MAGEA4: variants seen among roughly 807,000 people sequenced by gnomAD.
MAGEA4 encodes the protein melanoma-associated antigen 4.
MAGEA4 carries 1 observed loss-of-function variant against 13.7 expected under a neutral mutation model. The observed-to-expected ratio is 0.07, with a 90% CI of 0.03 to 0.35. The LOEUF (loss-of-function observed/expected upper bound fraction) is 0.35, where lower values mean the gene tolerates loss of function less well. MAGEA4 is among the 10% of genes least tolerant of loss of function. The pLI is 0.99. For synonymous variants in MAGEA4, 132 were observed against 101.1 expected, an observed-to-expected ratio of 1.31 and a Z score of -1.83; for missense variants, 312 against 245.1, an observed-to-expected ratio of 1.27 and a Z score of -1.82.
At chrX:151,912,798 C>T (rs1032769519), upstream of MAGEA4, 26 of 111,943 alleles carry the variant, frequency 2.3e-4, no homozygotes, top group Non-Finnish European at 3.4e-4. Flanking sequence ...ATACCCCCAT[C>T]CAGGCAGGAT....
Position 151,923,977 on chromosome X carries a change from T to G in MAGEA4, c.313T>G (p.Leu105Val). 1 of 1,211,927 alleles carries G rather than the reference T, an allele frequency of 8.3e-7. No homozygotes were observed. The highest frequency in any genetic ancestry group is 1.1e-6 in the Non-Finnish European group (1 of 895,515). ...AAGCACCTCGCCTGACGCAGAGTCC[T>G]TGTTCCGAGAAGCACTCAGTAACAA... Reference protein sequence around the residue: ...GPSTSPDAESLFREALSNKVD... With the variant: ...GPSTSPDAESVFREALSNKVD... The change falls in exon 3 of 3, where the codon TTG becomes GTG. Residue 105 changes from leucine to valine, a missense_variant. Leu to Val is a conservative substitution (Grantham distance 32). Coordinates refer to ENST00000276344, the MANE Select transcript of MAGEA4 (RefSeq NM_001011548.1).
chrX:151,920,336 G>A (rs1274395405), intron 1 of MAGEA4, among the ~76,000 whole-genome samples: 10 of 109,216 alleles, frequency 9.2e-5, no homozygotes, highest in Admixed American at 7.7e-4. Context: ...CCAGATAGAC[G>A]ACCCCAAATA....
At chrX:151,919,650 A>C (rs1257328246) in intron 1 of MAGEA4, 1 of 750,330 alleles carries the variant, frequency 1.3e-6, no homozygotes, top group Non-Finnish European at 1.6e-6. Context: ...GTTAGAGAAA[A>C]GCGAGCTGCT....
At position 151,923,793 on chromosome X, in the gene MAGEA4, C is replaced by T; in HGVS notation, c.129C>T (p.Ser43=). The T allele has an allele frequency of 8.3e-7, 1 of 1,208,617 alleles. No individual in the cohort carries two copies. Among genetic ancestry groups the T allele is most frequent in the Non-Finnish European group, 1.1e-6 (1 of 894,495 alleles). The change falls in exon 3 of 3, where the codon TCC becomes TCT. Residue 43 remains serine, a synonymous_variant. Coordinates refer to ENST00000276344, the MANE Select transcript of MAGEA4 (RefSeq NM_001011548.1). ...TEEQEAAVSS[S]SPLVPGTLEE... is the part of the protein sequence containing the mutation. Reference sequence around the variant, plus strand: ...AGCAGGAGGCTGCTGTCTCCTCCTCCTCTCCTCTGGTCCCTGGCACCCTGG... The same window carrying T: ...AGCAGGAGGCTGCTGTCTCCTCCTCTTCTCCTCTGGTCCCTGGCACCCTGG...
chrX:151,922,637 G>T (rs1046972504), intron 1 of MAGEA4, among the ~76,000 whole-genome samples: 1 of 111,981 alleles, frequency 8.9e-6, no homozygotes, highest in Admixed American at 9.4e-5. Context: ...TCCTGGTGAG[G>T]AATGTGAGGG....
intron 1 of MAGEA4, 49 bp from the exon 2 acceptor site, chrX:151,923,404 C>G: frequency 9.4e-7 from 1 of 1,061,522 alleles, no homozygotes; most frequent in Non-Finnish European, 1.3e-6. Context: ...CAGAATCGAC[C>G]TCTGCTGGCC....
Position 151,924,528 on chromosome X carries a change from G to A in MAGEA4, c.864G>A (p.Leu288=). 8.3e-7 allele frequency: 1 copy of A among 1,211,442 alleles called. No homozygotes were observed. The highest frequency in any genetic ancestry group is 1.1e-6 in the Non-Finnish European group (1 of 895,306). The change falls in exon 3 of 3, where the codon CTG becomes CTA. Residue 288 remains leucine (L), a synonymous_variant. Coordinates refer to ENST00000276344, the MANE Select transcript of MAGEA4 (RefSeq NM_001011548.1). ...ALAETSYVKV[L]EHVVRVNARV... is the part of the protein sequence containing the mutation. Reference sequence around the variant, plus strand: ...CTGAAACCAGCTATGTGAAAGTCCTGGAGCATGTGGTCAGGGTCAATGCAA... The same window carrying A: ...CTGAAACCAGCTATGTGAAAGTCCTAGAGCATGTGGTCAGGGTCAATGCAA...
rs759964480 is a variant in MAGEA4 at position 151,924,710 on chromosome X, CATG to C, written c.*94_*96del. On this transcript the variant is annotated 3_prime_UTR_variant, in exon 3 of 3. Coordinates refer to ENST00000276344, the MANE Select transcript of MAGEA4 (RefSeq NM_001011548.1). ...CAGCAGCTTCCCTTGCCTCGTGTAA[CATG>C]AGGCCCATTCTTCACTCTGTTTGAA... 1 of 927,503 alleles carries C rather than the reference CATG, an allele frequency of 1.1e-6. No individual in the cohort carries two copies. The highest frequency in any genetic ancestry group is 2.0e-5 in the African/African-American group (1 of 50,598). The allele number at this position is 927,503 out of a possible 1,213,427, so 76.4% of individuals were successfully genotyped here. A position where few individuals can be genotyped will look rare whatever the true frequency, so the allele number is the denominator to read the frequency against.
intron 1 of MAGEA4, among the ~76,000 whole-genome samples, chrX:151,920,376 G>T (rs987619790): frequency 4.5e-5 from 5 of 110,088 alleles, no homozygotes; most frequent in Non-Finnish European, 1.9e-5. Flanking sequence ...TCCAGTCCTG[G>T]GCCACCCGTG....
intron 1 of MAGEA4, chrX:151,917,724 G>T (rs1174478403): frequency 3.0e-6 from 1 of 336,320 alleles, no homozygotes; most frequent in African/African-American, 3.1e-5. Context: ...ACCCCAGATA[G>T]AAGACCCCAA....
chrX:151,924,730 CTG>C lies in MAGEA4; in HGVS notation c.*114_*115del, dbSNP rs1933632789. ...TGTAACATGAGGCCCATTCTTCACT[CTG>C]TTTGAAGAAAATAGTCAGTGTTCTT... On this transcript the variant is annotated 3_prime_UTR_variant, in exon 3 of 3. Coordinates refer to ENST00000276344, the MANE Select transcript of MAGEA4 (RefSeq NM_001011548.1). 1.2e-6 allele frequency: 1 copy of C among 814,700 alleles called. No individual in the cohort carries two copies. The highest frequency in any genetic ancestry group is 2.0e-5 in the African/African-American group (1 of 48,829). The allele number at this position is 814,700 out of a possible 1,213,427, so 67.1% of individuals were successfully genotyped here.
At position 151,919,981 on chromosome X, in the gene MAGEA4, C is replaced by T. The variant is rs1426343368; in HGVS notation, c.-137-3472C>T. 6.1e-5 allele frequency among the ~76,000 whole-genome samples: 6 copies of T among 97,602 alleles called. No homozygotes were observed. In the East Asian group the frequency reaches 2.0e-3, roughly 33 times the overall value. The allele number at this position is 97,602 out of a possible 115,157, so 84.8% of individuals were successfully genotyped here. A position where few individuals can be genotyped will look rare whatever the true frequency, so the allele number is the denominator to read the frequency against. On this transcript the variant is annotated intron_variant, in intron 1 of 2. Coordinates refer to ENST00000276344, the MANE Select transcript of MAGEA4 (RefSeq NM_001011548.1). ...GAGAGGGCCGAGGGTCCCCCACCCC[C>T]ATTCCCATCCCCCTTCCCATTCCCA...
At chrX:151,912,588 G>C (rs754471726), upstream of MAGEA4, 236 of 328,067 alleles carry the variant, frequency 7.2e-4, no homozygotes, top group Non-Finnish European at 1.3e-3. Flanking sequence ...CCCTAAGAGA[G>C]AGCTGAGGGT....
chrX:151,919,445 C>T (rs1286040125), intron 1 of MAGEA4, among the ~76,000 whole-genome samples: 33 of 103,035 alleles, frequency 3.2e-4, no homozygotes, highest in African/African-American at 1.2e-3. Context: ...GGCCCCTCCA[C>T]CAACCTCACC....
At chrX:151,912,794 C>A (rs1353358125), upstream of MAGEA4, 1 of 118,141 alleles carries the variant, frequency 8.5e-6, no homozygotes, top group Non-Finnish European at 1.5e-5. Flanking sequence ...ACCCATACCC[C>A]CATCCAGGCA....
intron 1 of MAGEA4, among the ~76,000 whole-genome samples, chrX:151,920,409 G>A (rs1013482363): frequency 3.6e-5 from 4 of 110,482 alleles, no homozygotes; most frequent in Non-Finnish European, 5.7e-5. Flanking sequence ...AGTCTGGGAC[G>A]CCCACCACCC....
At chrX:151,919,283 C>G (rs1272938752) in intron 1 of MAGEA4, among the ~76,000 whole-genome samples, 1 of 95,318 alleles carries the variant, frequency 1.0e-5, no homozygotes, top group Admixed American at 1.2e-4. Context: ...GAGGGCTAAG[C>G]GTACCCCACC....
chrX:151,920,091 C>T (rs1280494279), intron 1 of MAGEA4, among the ~76,000 whole-genome samples: 1 of 106,567 alleles, frequency 9.4e-6, no homozygotes, highest in East Asian at 3.0e-4. Flanking sequence ...TGTCCTCATC[C>T]CCCACCCCAA....
At chrX:151,912,547 G>A (rs1302598390), upstream of MAGEA4, 1 of 365,008 alleles carries the variant, frequency 2.7e-6, no homozygotes, top group Non-Finnish European at 5.3e-6. Flanking sequence ...GGCAAGGTGG[G>A]GGCAGGCTGT....
Sources: gnomAD v4.1 joint callset for allele counts (sites outside exome capture counted in the v4.1 genomes callset) on GRCh38, gnomAD v4.1.1 for gene constraint, MANE v1.5 for transcripts, NCBI Gene and HGNC (gene_info 2026-07-23, HGNC 2026-07-21) for gene names.